The following FSTL3 variants were observed in gnomAD, a reference collection of about 807,000 sequenced individuals.
The protein encoded by FSTL3 is follistatin-related protein 3.
FSTL3 carries 21 observed loss-of-function variants against 28.1 expected under a neutral mutation model. The ratio of observed to expected loss-of-function variants is 0.75; its 90% CI spans 0.53 to 1.08. The LOEUF is 1.08. Among genes scored for constraint, FSTL3 ranks in the 50% least tolerant of loss-of-function variants. The pLI is 0.00. For missense variants in FSTL3, 400 were observed against 380.9 expected, an observed-to-expected ratio of 1.05 and a Z score of -0.42; for synonymous variants, 199 against 164.2, an observed-to-expected ratio of 1.21 and a Z score of -1.62.
At position 681,547 on chromosome 19, in the gene FSTL3, G is replaced by C. The variant is rs753134505; in HGVS notation, c.720G>C (p.Ala240=). The change falls in exon 4 of 5, where the codon GCG becomes GCC. Residue 240 remains alanine, a synonymous_variant. Coordinates refer to ENST00000166139, the MANE Select transcript of FSTL3 (RefSeq NM_005860.3). The part of the protein sequence containing the change: ...FLGRSIGVRH[A]GSCAGTPEEP... ...GCCGCTCCATCGGCGTGCGCCACGC[G>C]GGCAGCTGCGCAGGTGCAGACGCAG... 1.2e-6 allele frequency: 2 copies of C among 1,607,246 alleles called. No homozygotes were observed. Among genetic ancestry groups the C allele is most frequent in the East Asian group, 2.2e-5 (1 of 44,816 alleles).
At chr19:677,230 A>T (rs568271488) in intron 1 of FSTL3, among the ~76,000 whole-genome samples, 17 of 146,320 alleles carry the variant, frequency 1.2e-4, no homozygotes, top group Non-Finnish European at 1.8e-4. Flanking sequence ...ACCCCACCCC[A>T]GCCCTGCGCC....
chr19:679,925 G>A (rs991755053), intron 2 of FSTL3: 1 of 176,676 alleles, frequency 5.7e-6, no homozygotes, highest in Non-Finnish European at 1.2e-5. Context: ...CGTGCATCGG[G>A]AGCAGACGTC....
intron 1 of FSTL3, 23 bp downstream of exon 1, chr19:676,549 C>T (rs1217112890): frequency 2.7e-6 from 1 of 365,144 alleles, no homozygotes; most frequent in Non-Finnish European, 3.8e-6. Flanking sequence ...GCCAGAGGGG[C>T]GGGCGGGGCG....
chr19:681,793 G>A lies in FSTL3; in HGVS notation c.*85G>A, dbSNP rs1489123637. ...TGCCACAGCAGAGTCTAATTTATAT[G>A]CCACGGACACTCCTTAGAGCCCGGA... On this transcript the variant is annotated 3_prime_UTR_variant, in exon 5 of 5. Coordinates refer to ENST00000166139, the MANE Select transcript of FSTL3 (RefSeq NM_005860.3). 4 of 1,180,478 alleles carry A rather than the reference G, an allele frequency of 3.4e-6. No individual in the cohort carries two copies. The highest frequency in any genetic ancestry group is 1.5e-5 in the African/African-American group (1 of 65,946). The allele number at this position is 1,180,478 out of a possible 1,614,324, so 73.1% of individuals were successfully genotyped here.
rs150546512 is a variant in FSTL3 at position 680,125 on chromosome 19, G to A, written c.290-149G>A. The stretch of plus-strand genomic sequence containing the variant: ...TGAGCCCTGCCCCTGGGAACCCGAG[G>A]GCCCCGACTCCGACTGACCCTGACC... On this transcript the variant is annotated intron_variant, in intron 2 of 4. Transcript: ENST00000166139. The A allele has an allele frequency of 1.2e-3, 466 of 375,592 alleles. 1 individual carries two copies. Among genetic ancestry groups the A allele is most frequent in the African/African-American group, 9.4e-3 (440 of 46,758 alleles). The allele number at this position is 375,592 out of a possible 1,614,324, so 23.3% of individuals were successfully genotyped here.
rs557234006 is a variant in FSTL3 at position 682,492 on chromosome 19, C to CA, written c.*785dup. 1.0e-3 allele frequency: 234 copies of CA among 233,994 alleles called. No individual in the cohort carries two copies. The highest frequency in any genetic ancestry group is 1.8e-3 in the Non-Finnish European group (213 of 118,518). The allele number at this position is 233,994 out of a possible 1,614,324, so 14.5% of individuals were successfully genotyped here. A position where few individuals can be genotyped will look rare whatever the true frequency, so the allele number is the denominator to read the frequency against. Reference sequence around the variant, plus strand: ...CCTTAGCCCAGCAAGCCAGGCCCTTCATGAAGGCCAAGAAGGCTGCCACCA... The same window carrying CA: ...CCTTAGCCCAGCAAGCCAGGCCCTTCAATGAAGGCCAAGAAGGCTGCCACCA... On this transcript the variant is annotated 3_prime_UTR_variant, in exon 5 of 5. Transcript: ENST00000166139.
chr19:681,480 A>G lies in FSTL3; in HGVS notation c.653A>G (p.Tyr218Cys). ...QELCGNNNVTYISSCHMRQAT... is the reference protein window; with the variant it reads ...QELCGNNNVTCISSCHMRQAT... ...CTTTGCGGCAACAACAACGTCACCT[A>G]CATCTCCTCGTGCCACATGCGCCAG... Residue 218 changes from tyrosine to cysteine, a missense_variant, in exon 4 of 5, where the codon TAC (tyrosine) becomes TGC (cysteine). Physicochemically the swap from Tyr to Cys is radical, Grantham distance 194. Coordinates refer to ENST00000166139, the MANE Select transcript of FSTL3 (RefSeq NM_005860.3). The G allele has an allele frequency of 6.2e-7, 1 of 1,602,794 alleles. No homozygotes were observed. The highest frequency in any genetic ancestry group is 1.1e-5 in the South Asian group (1 of 91,056).
Position 680,466 on chromosome 19 carries a change from T to A in FSTL3, c.482T>A (p.Val161Asp). The A allele has an allele frequency of 1.6e-6, 2 of 1,254,448 alleles. No individual in the cohort carries two copies. Among genetic ancestry groups the A allele is most frequent in the South Asian group, 3.1e-5 (1 of 32,494 alleles). The allele number at this position is 1,254,448 out of a possible 1,614,324, so 77.7% of individuals were successfully genotyped here. A position where few individuals can be genotyped will look rare whatever the true frequency, so the allele number is the denominator to read the frequency against. The change falls in exon 3 of 5, where the codon GTC becomes GAC. Residue 161 changes from valine (V) to aspartate (D), a missense_variant. Transcript: ENST00000166139. ...ARCRGHPDLS[V>D]MYRGRCRKSC... ...TGCCGCGGCCACCCGGACCTGAGCG[T>A]CATGTACCGGGGCCGCTGCCGCAGT...
At position 680,400 on chromosome 19, in the gene FSTL3, G is replaced by A; in HGVS notation, c.416G>A (p.Gly139Asp). The change falls in exon 3 of 5, where the codon GGC becomes GAC. Residue 139 changes from glycine to aspartate, a missense_variant. By Grantham distance (94) the Gly-to-Asp change is moderately conservative. Transcript: ENST00000166139. ...CGGCTGCAGGTCTGCGGCTCAGACG[G>A]CGCCACCTACCGCGACGAGTGCGAG... ...PARLQVCGSD[G>D]ATYRDECELR... 2 of 1,275,136 alleles carry A rather than the reference G, an allele frequency of 1.6e-6. No homozygotes were observed. The highest frequency in any genetic ancestry group is 2.0e-6 in the Non-Finnish European group (2 of 1,013,168). The allele number at this position is 1,275,136 out of a possible 1,614,324, so 79.0% of individuals were successfully genotyped here.
chr19:680,261 C>T lies in FSTL3; in HGVS notation c.290-13C>T. The T allele has an allele frequency of 2.2e-6, 3 of 1,337,302 alleles. No individual in the cohort carries two copies. Among genetic ancestry groups the T allele is most frequent in the Non-Finnish European group, 1.9e-6 (2 of 1,043,600 alleles). The allele number at this position is 1,337,302 out of a possible 1,614,324, so 82.8% of individuals were successfully genotyped here. On this transcript the variant is annotated splice_polypyrimidine_tract_variant and intron_variant, in intron 2 of 4. Coordinates refer to ENST00000166139, the MANE Select transcript of FSTL3 (RefSeq NM_005860.3). The stretch of plus-strand genomic sequence containing the variant: ...CCCGCGCCCGGCCCCACGCGCGTGT[C>T]CTCTGTCCGCAGATTCGTGCGACGG...
chr19:681,350 G>T lies in FSTL3; in HGVS notation c.523G>T (p.Val175Leu), dbSNP rs367998628. 5 of 1,576,960 alleles carry T rather than the reference G, an allele frequency of 3.2e-6. No individual in the cohort carries two copies. In the East Asian group the frequency reaches 1.1e-4, roughly 36 times the overall value. Residue 175 changes from valine (V) to leucine (L), a missense_variant, in exon 4 of 5, where the codon GTG becomes TTG. Coordinates refer to ENST00000166139, the MANE Select transcript of FSTL3 (RefSeq NM_005860.3). Reference protein sequence around the residue: ...GRCRKSCEHVVCPRPQSCVVD... With the variant: ...GRCRKSCEHVLCPRPQSCVVD... Reference sequence around the variant, plus strand: ...GCCTGCAGAGTCCTGTGAGCACGTGGTGTGCCCGCGGCCACAGTCGTGCGT... The same window carrying T: ...GCCTGCAGAGTCCTGTGAGCACGTGTTGTGCCCGCGGCCACAGTCGTGCGT...
Position 680,317 on chromosome 19 carries a change from C to T in FSTL3, c.333C>T (p.Arg111=). ...AGTGCGGCCCGGGCAAGGCGTGCCG[C>T]ATGCTGGGGGGCCGCCCGCGCTGCG... ...GVECGPGKAC[R]MLGGRPRCEC... is the part of the protein sequence containing the mutation. The change falls in exon 3 of 5, where the codon CGC becomes CGT. Residue 111 remains arginine (R), a synonymous_variant. Coordinates refer to ENST00000166139, the MANE Select transcript of FSTL3 (RefSeq NM_005860.3). 1 of 1,287,408 alleles carries T rather than the reference C, an allele frequency of 7.8e-7. No homozygotes were observed. Among genetic ancestry groups the T allele is most frequent in the Non-Finnish European group, 9.8e-7 (1 of 1,021,830 alleles). The allele number at this position is 1,287,408 out of a possible 1,614,324, so 79.7% of individuals were successfully genotyped here. A position where few individuals can be genotyped will look rare whatever the true frequency, so the allele number is the denominator to read the frequency against.
At chr19:680,516 G>A (rs1027776104) in intron 3 of FSTL3, 27 bp downstream of exon 3, 4 of 1,203,254 alleles carry the variant, frequency 3.3e-6, no homozygotes, top group Non-Finnish European at 3.1e-6. Flanking sequence ...TCTGTGGAGG[G>A]GCGGGGCGGG....
At chr19:678,464 C>A (rs1038622021) in intron 2 of FSTL3, among the ~76,000 whole-genome samples, 1 of 145,764 alleles carries the variant, frequency 6.9e-6, no homozygotes, top group East Asian at 2.0e-4. Context: ...TGGCACAGAA[C>A]GAATGAATAA....
rs1452004523 is a variant in FSTL3, at chr19:681,370, G to T, written c.543G>T (p.Ser181=). The change falls in exon 4 of 5, where the codon TCG becomes TCT. Residue 181 remains serine, a synonymous_variant. Transcript: ENST00000166139. ...ACGTGGTGTGCCCGCGGCCACAGTCGTGCGTCGTGGACCAGACGGGCAGCG... is the reference window on the plus strand; with the variant it reads ...ACGTGGTGTGCCCGCGGCCACAGTCTTGCGTCGTGGACCAGACGGGCAGCG... ...CEHVVCPRPQ[S]CVVDQTGSAH... 7 of 1,588,182 alleles carry T rather than the reference G, an allele frequency of 4.4e-6. No individual in the cohort carries two copies. Among genetic ancestry groups the T allele is most frequent in the Non-Finnish European group, 6.0e-6 (7 of 1,174,602 alleles).
Position 681,653 on chromosome 19 carries a change from C to G in FSTL3, c.737C>G (p.Thr246Ser). Residue 246 changes from threonine (T) to serine (S), a missense_variant, in exon 5 of 5, where the codon ACC becomes AGC. Coordinates refer to ENST00000166139, the MANE Select transcript of FSTL3 (RefSeq NM_005860.3). The stretch of plus-strand genomic sequence containing the variant: ...ATGCTCTTATCGACCCTTGCAGGCA[C>G]CCCTGAGGAGCCGCCAGGTGGTGAG... ...GVRHAGSCAG[T>S]PEEPPGGESA... The G allele has an allele frequency of 3.2e-6, 5 of 1,578,820 alleles. No individual in the cohort carries two copies. Among genetic ancestry groups the G allele is most frequent in the Non-Finnish European group, 4.3e-6 (5 of 1,162,588 alleles).
At position 678,597 on chromosome 19, in the gene FSTL3, G is replaced by A. The variant is rs192170795; in HGVS notation, c.289+620G>A. ...GCGATTTTGGCTCACTGCAACTTCG[G>A]CCTCCGAGGTTCAGGTGATTCTCTT... On this transcript the variant is annotated intron_variant, in intron 2 of 4. Coordinates refer to ENST00000166139, the MANE Select transcript of FSTL3 (RefSeq NM_005860.3). Among the ~76,000 whole-genome samples the A allele has an allele frequency of 3.5e-3, 518 of 146,238 alleles. 3 individuals are homozygous for A. Among genetic ancestry groups the A allele is most frequent in the African/African-American group, 0.013 (496 of 39,244 alleles).
chr19:679,216 C>A (rs2031273946), intron 2 of FSTL3, among the ~76,000 whole-genome samples: 1 of 152,134 alleles, frequency 6.6e-6, no homozygotes, highest in Admixed American at 6.5e-5. Flanking sequence ...GGAACTCAGG[C>A]CCCCTTCCGT....
intron 2 of FSTL3, chr19:678,186 C>T: frequency 1.8e-6 from 1 of 563,758 alleles, no homozygotes; most frequent in Non-Finnish European, 3.1e-6. Context: ...CAGGAAGAGA[C>T]CACGTGGCTC....
Sources: allele counts gnomAD v4.1 joint callset (sites outside exome capture counted in the v4.1 genomes callset), GRCh38; gene constraint gnomAD v4.1.1; transcripts MANE v1.5; gene names NCBI Gene and HGNC (gene_info 2026-07-23, HGNC 2026-07-21).